FOXP1: variants seen among roughly 807,000 people sequenced by gnomAD.
FOXP1 encodes forkhead box P1.
FOXP1 carries 15 observed loss-of-function variants against 98.2 expected under a neutral mutation model. The observed-to-expected ratio is 0.15, with a 90% confidence interval of 0.10 to 0.24. FOXP1 has a LOEUF of 0.24. Ranked by LOEUF, FOXP1 falls within the 10% of genes least tolerant of loss-of-function variation. FOXP1 has a pLI of 1.00. For synonymous variants in FOXP1, 371 were observed against 314.5 expected, an observed-to-expected ratio of 1.18 and a Z score of -1.90; for missense variants, 633 against 848.5, an observed-to-expected ratio of 0.75 and a Z score of 3.15.
chr3:71,046,840 T>A, intron 10 of FOXP1, 102 bp downstream of exon 10: 1 of 1,321,298 alleles, frequency 7.6e-7, no homozygotes. Context: ...TCTATGTGCA[T>A]GTTTTGATGG....
At chr3:71,319,352 AT>A (rs1171425798) in intron 4 of FOXP1, among the ~76,000 whole-genome samples, 1 of 152,018 alleles carries the variant, frequency 6.6e-6, no homozygotes, top group African/African-American at 2.4e-5. Flanking sequence ...GTGTGCTTTC[AT>A]TTGCCTGCTT....
intron 3 of FOXP1, among the ~76,000 whole-genome samples, chr3:71,487,623 G>C (rs1393507673): frequency 1.3e-5 from 2 of 152,204 alleles, no homozygotes; most frequent in Non-Finnish European, 2.9e-5. Context: ...CACAGGATGG[G>C]CACAGAAAAG....
At chr3:71,404,187 G>A (rs1033197749) in intron 3 of FOXP1, among the ~76,000 whole-genome samples, 4 of 137,678 alleles carry the variant, frequency 2.9e-5, no homozygotes, top group Non-Finnish European at 4.6e-5. Context: ...GAGTCCAGTG[G>A]CGTGATCTTG....
At chr3:71,294,536 G>T (rs768968782) in intron 5 of FOXP1, among the ~76,000 whole-genome samples, 31 of 151,924 alleles carry the variant, frequency 2.0e-4, no homozygotes, top group Non-Finnish European at 4.4e-4. Flanking sequence ...TTCTTACACG[G>T]TGCTATAATC....
rs757649540 is a variant in FOXP1 at position 71,198,227 on chromosome 3, G to A, written c.155C>T (p.Ala52Val). ...PAVDIGAADL[A>V]HAQQQQQQAL... ...CTGTTGCTGCTGCTGCTGGGCGTGGGCGAGGTCAGCTGCCCCGATGTCCAC... is the reference window on the plus strand; with the variant it reads ...CTGTTGCTGCTGCTGCTGGGCGTGGACGAGGTCAGCTGCCCCGATGTCCAC... The change falls in exon 6 of 21, where the codon GCC becomes GTC. Residue 52 changes from alanine (A) to valine (V), a missense_variant. This residue lies in a region of FOXP1 where 103 missense variants were observed against 85.5 expected (regional missense o/e 1.20). Coordinates refer to ENST00000649528, the MANE Select transcript of FOXP1 (RefSeq NM_001349338.3). 9.9e-6 allele frequency: 16 copies of A among 1,614,088 alleles called. No individual in the cohort carries two copies. The East Asian group carries it at 1.6e-4, about 16-fold the overall frequency.
At chr3:71,266,144 T>C (rs2069634438) in intron 5 of FOXP1, among the ~76,000 whole-genome samples, 2 of 151,978 alleles carry the variant, frequency 1.3e-5, no homozygotes, top group African/African-American at 4.8e-5. Context: ...AGTACATAGG[T>C]GTCTGGAAAT....
intron 11 of FOXP1, among the ~76,000 whole-genome samples, chr3:71,031,124 C>T (rs962379704): frequency 1.3e-5 from 2 of 152,172 alleles, no homozygotes; most frequent in Non-Finnish European, 2.9e-5. Flanking sequence ...TTCAGGTTTC[C>T]TCTTTCCTTC....
intron 2 of FOXP1, among the ~76,000 whole-genome samples, chr3:71,506,085 C>T (rs1341199187): frequency 6.6e-6 from 1 of 152,156 alleles, no homozygotes; most frequent in Admixed American, 6.5e-5. Flanking sequence ...CAGATGAATT[C>T]TACAGACAAT....
chr3:71,149,279 C>G (rs2060461801), intron 6 of FOXP1, among the ~76,000 whole-genome samples: 1 of 152,170 alleles, frequency 6.6e-6, no homozygotes, highest in African/African-American at 2.4e-5. Context: ...GATTGAGAGG[C>G]AGGGTATTCA....
Position 71,390,851 on chromosome 3 carries a change from G to GC in FOXP1, c.-167-31608dup, listed in dbSNP as rs555134496. Among the ~76,000 whole-genome samples the GC allele has an allele frequency of 3.6e-4, 55 of 152,224 alleles. No individual in the cohort carries two copies. In the South Asian group the frequency reaches 6.0e-3, roughly 17 times the overall value. On this transcript the variant is annotated intron_variant, in intron 3 of 20. Transcript: ENST00000649528. ...GTGCCGTGTAGTCAGGAAGAGATGA[G>GC]CCCCCCATCTGAGACAAGCCTCACG...
chr3:71,429,704 T>C (rs1371861490), intron 3 of FOXP1, among the ~76,000 whole-genome samples: 1 of 152,212 alleles, frequency 6.6e-6, no homozygotes, highest in Non-Finnish European at 1.5e-5. Context: ...AATATTGAGC[T>C]AAAATTTGGT....
At chr3:71,266,268 C>CA (rs1317489579) in intron 5 of FOXP1, among the ~76,000 whole-genome samples, 2 of 151,900 alleles carry the variant, frequency 1.3e-5, no homozygotes, top group African/African-American at 2.4e-5. Flanking sequence ...TTTTTTGAGA[C>CA]AGAGTCTCAC....
chr3:71,567,372 G>T (rs1011419901), intron 2 of FOXP1, among the ~76,000 whole-genome samples: 1 of 151,582 alleles, frequency 6.6e-6, no homozygotes, highest in Non-Finnish European at 1.5e-5. Context: ...AAACCGAAAC[G>T]CAGAGACTCC....
chr3:71,532,529 G>T (rs1323862323), intron 2 of FOXP1, among the ~76,000 whole-genome samples: 1 of 152,154 alleles, frequency 6.6e-6, no homozygotes, highest in Non-Finnish European at 1.5e-5. Context: ...GGTCCTAGTG[G>T]AATGATTTTT....
At chr3:71,095,502 G>A (rs754098889) in intron 7 of FOXP1, among the ~76,000 whole-genome samples, 2 of 152,180 alleles carry the variant, frequency 1.3e-5, no homozygotes, top group African/African-American at 4.8e-5. Flanking sequence ...GGCCCAGTTG[G>A]TCTTCCTAGT....
At chr3:71,040,965 G>C (rs924803255) in intron 11 of FOXP1, among the ~76,000 whole-genome samples, 7 of 152,170 alleles carry the variant, frequency 4.6e-5, no homozygotes, top group African/African-American at 1.7e-4. Flanking sequence ...GCCCACAGCA[G>C]ACACTACTAT....
At chr3:71,014,460 T>C (rs1390180923) in intron 12 of FOXP1, among the ~76,000 whole-genome samples, 1 of 152,132 alleles carries the variant, frequency 6.6e-6, no homozygotes, top group Admixed American at 6.5e-5. Context: ...TCACACCAGT[T>C]AGAATGGCAA....
intron 5 of FOXP1, among the ~76,000 whole-genome samples, chr3:71,281,658 A>G (rs1576748682): frequency 6.6e-6 from 1 of 152,360 alleles, no homozygotes; most frequent in East Asian, 1.9e-4. Flanking sequence ...GTTAGAGCCA[A>G]TGAACCTCAC....
intron 4 of FOXP1, among the ~76,000 whole-genome samples, chr3:71,352,649 A>G (rs1306625667): frequency 2.0e-5 from 3 of 152,132 alleles, no homozygotes; most frequent in African/African-American, 7.2e-5. Context: ...CAGAGTTACT[A>G]TGAGTTAATA....
Sources: gnomAD v4.1 joint callset for allele counts (sites outside exome capture counted in the v4.1 genomes callset) on GRCh38, gnomAD v4.1.1 for gene constraint, gnomAD v4.1.1 regional missense constraint, MANE v1.5 for transcripts, NCBI Gene and HGNC (gene_info 2026-07-23, HGNC 2026-07-21) for gene names.